NTN3: variants seen among roughly 807,000 people sequenced by gnomAD.
NTN3 encodes netrin 3.
Under a neutral mutation model 37.2 loss-of-function variants are expected in NTN3, and 44 were observed. The ratio of observed to expected loss-of-function variants is 1.18; its 90% confidence interval spans 0.93 to 1.52. The LOEUF (loss-of-function observed/expected upper bound fraction) is 1.52, where lower values mean the gene tolerates loss of function less well. NTN3 is among the 40% of genes most tolerant of loss of function. The pLI is 0.00. For missense variants in NTN3, 882 were observed against 857.3 expected, an observed-to-expected ratio of 1.03 and a Z score of -0.36; for synonymous variants, 385 against 376.0, an observed-to-expected ratio of 1.02 and a Z score of -0.28.
rs372974930 is a variant in NTN3 at position 2,472,120 on chromosome 16, A to G, written c.419A>G (p.His140Arg). 1.9e-5 allele frequency: 30 copies of G among 1,608,294 alleles called. No individual in the cohort carries two copies. Among genetic ancestry groups the G allele is most frequent in the Non-Finnish European group, 2.4e-5 (28 of 1,179,078 alleles). The change falls in exon 1 of 6, where the codon CAT becomes CGT. Residue 140 changes from histidine (H) to arginine (R), a missense_variant. Transcript: ENST00000293973. ...GTGGCCCTGCTCAAGTCTCAGGACCATGGCCGCAGCTGGGCCCCGCTGGGC... is the reference window on the plus strand; with the variant it reads ...GTGGCCCTGCTCAAGTCTCAGGACCGTGGCCGCAGCTGGGCCCCGCTGGGC... ...ASVALLKSQD[H>R]GRSWAPLGFF...
chr16:2,472,359 G>A lies in NTN3; in HGVS notation c.658G>A (p.Val220Ile), dbSNP rs560285957. The change falls in exon 1 of 6, where the codon GTC becomes ATC. Residue 220 changes from valine (V) to isoleucine (I), a missense_variant. Transcript: ENST00000293973. Reference protein sequence around the residue: ...VLQDWVTATDVRVVLTRPSTA... With the variant: ...VLQDWVTATDIRVVLTRPSTA... ...CCAAGACTGGGTGACCGCCACCGACGTCCGTGTAGTGCTCACAAGGCCTAG... is the reference window on the plus strand; with the variant it reads ...CCAAGACTGGGTGACCGCCACCGACATCCGTGTAGTGCTCACAAGGCCTAG... 18 of 1,612,266 alleles carry A rather than the reference G, an allele frequency of 1.1e-5. No individual in the cohort carries two copies. In the East Asian group the frequency reaches 2.0e-4, roughly 18 times the overall value.
In NTN3 at chr16:2,473,029, C is replaced by A. The variant is rs996258024; in HGVS notation, c.1162C>A (p.Gln388Lys). 58 of 1,610,620 alleles carry A rather than the reference C, an allele frequency of 3.6e-5. No individual in the cohort carries two copies. Among genetic ancestry groups the A allele is most frequent in the Non-Finnish European group, 4.8e-5 (57 of 1,178,850 alleles). Residue 388 changes from glutamine to lysine, a missense_variant, in exon 3 of 6, where the codon CAG (glutamine) becomes AAG (lysine). Transcript: ENST00000293973. ...PVGAAGKTCN[Q>K]TTGQCPCKDG... ...TGGTGCTGCTGGCAAGACCTGCAACCAGACCACAGGCCAGTGTCCCTGCAA... is the reference window on the plus strand; with the variant it reads ...TGGTGCTGCTGGCAAGACCTGCAACAAGACCACAGGCCAGTGTCCCTGCAA...
Position 2,472,773 on chromosome 16 carries a change from GC to G in NTN3, c.1002del (p.Ser334ArgfsTer32). Reference protein sequence around the residue: ...MELYRLSGRRSGGVCLNCRHN... With the variant: ...MELYRLSGRRXGGVCLNCRHN... ...CTGTACCGACTGTCCGGCCGCCGCA[GC>G]GGGGGTGTCTGTCTCAACTGCCGGC... On this transcript the variant is annotated frameshift_variant, in exon 2 of 6. Transcript: ENST00000293973. LOFTEE classifies it high-confidence loss of function. The G allele has an allele frequency of 2.5e-6, 4 of 1,608,448 alleles. No individual in the cohort carries two copies. The highest frequency in any genetic ancestry group is 3.4e-6 in the Non-Finnish European group (4 of 1,179,622).
rs2065530629 is a variant in NTN3, at chr16:2,472,835, G to A, written c.1063G>A (p.Glu355Lys). The change falls in exon 2 of 6, where the codon GAG (glutamate) becomes AAG (lysine). Residue 355 changes from glutamate (E) to lysine (K), a missense_variant. Transcript: ENST00000293973. ...CGGCCGCCACTGCCACTACTGCCGG[G>A]AGGGCTTCTATCGAGACCCTGGCCG... ...TAGRHCHYCR[E>K]GFYRDPGRAL... The A allele has an allele frequency of 1.2e-6, 2 of 1,609,352 alleles. No homozygotes were observed. The highest frequency in any genetic ancestry group is 1.7e-6 in the Non-Finnish European group (2 of 1,179,374).
chr16:2,472,123 G>T lies in NTN3; in HGVS notation c.422G>T (p.Gly141Val). The T allele has an allele frequency of 6.2e-7, 1 of 1,608,090 alleles. No individual in the cohort carries two copies. The highest frequency in any genetic ancestry group is 2.2e-5 in the East Asian group (1 of 44,846). ...SVALLKSQDHGRSWAPLGFFS... is the reference protein window; with the variant it reads ...SVALLKSQDHVRSWAPLGFFS... ...GCCCTGCTCAAGTCTCAGGACCATG[G>T]CCGCAGCTGGGCCCCGCTGGGCTTC... The change falls in exon 1 of 6, where the codon GGC (glycine) becomes GTC (valine). Residue 141 changes from glycine to valine, a missense_variant. Gly to Val is a moderately radical substitution (Grantham distance 109, BLOSUM62 -3). Coordinates refer to ENST00000293973, the MANE Select transcript of NTN3 (RefSeq NM_006181.3).
chr16:2,473,542 C>T (rs369879880), intron 5 of NTN3, 39 bp downstream of exon 5: 83 of 1,567,968 alleles, frequency 5.3e-5, no homozygotes, highest in Non-Finnish European at 6.8e-5. Flanking sequence ...TTCCCACCTT[C>T]CTCCTCTCCC....
Position 2,472,880 on chromosome 16 carries a change from G to A in NTN3, c.1108G>A (p.Ala370Thr), listed in dbSNP as rs1326852720. The A allele has an allele frequency of 6.3e-7, 1 of 1,592,716 alleles. No homozygotes were observed. The highest frequency in any genetic ancestry group is 8.5e-7 in the Non-Finnish European group (1 of 1,170,180). ...DPGRALSDRRACRACDCHPVG... is the reference protein window; with the variant it reads ...DPGRALSDRRTCRACDCHPVG... ...TGGCCGTGCCCTGAGTGACCGTCGG[G>A]CTTGCAGGGGTGAGCCACCACCGGC... The change falls in exon 2 of 6, where the codon GCT becomes ACT. Residue 370 changes from alanine (A) to threonine (T), a missense_variant. Ala to Thr is a moderately conservative substitution (Grantham distance 58). Coordinates refer to ENST00000293973, the MANE Select transcript of NTN3 (RefSeq NM_006181.3).
rs1274123122 is a variant in NTN3, at chr16:2,472,040, G to C, written c.339G>C (p.Lys113Asn). ...TGACTCTCACGGTGCCCCTGGGCAA[G>C]GCTTTTGAGCTGGTCTTCGTGAGCC... ...LNVTLTVPLG[K>N]AFELVFVSLR... The change falls in exon 1 of 6, where the codon AAG (lysine) becomes AAC (asparagine). Residue 113 changes from lysine to asparagine, a missense_variant. Physicochemically the swap from Lys to Asn is moderately conservative, Grantham distance 94 (BLOSUM62 0). Transcript: ENST00000293973. 3 of 1,608,918 alleles carry C rather than the reference G, an allele frequency of 1.9e-6. No individual in the cohort carries two copies. Among genetic ancestry groups the C allele is most frequent in the Non-Finnish European group, 2.5e-6 (3 of 1,179,516 alleles).
Position 2,473,283 on chromosome 16 carries a change from G to A in NTN3, c.1283G>A (p.Gly428Glu), listed in dbSNP as rs770790274. The A allele has an allele frequency of 1.2e-6, 2 of 1,612,896 alleles. No homozygotes were observed. The highest frequency in any genetic ancestry group is 4.5e-5 in the East Asian group (2 of 44,878). ...CTCTCTGCAGAGACCCCTATCCCTG[G>A]ACCCACTGAGGACAGCAGCCCTGTG... ...VAPCVKTPIP[G>E]PTEDSSPVQP... is the part of the protein sequence containing the mutation. Residue 428 changes from glycine (G) to glutamate (E), a missense_variant, in exon 4 of 6, where the codon GGA becomes GAA. Gly to Glu is a moderately conservative substitution (Grantham distance 98, BLOSUM62 -2). Transcript: ENST00000293973.
chr16:2,471,802 G>T lies in NTN3; in HGVS notation c.101G>T (p.Gly34Val), dbSNP rs1289653531. Residue 34 changes from glycine to valine, a missense_variant, in exon 1 of 6, where the codon GGG becomes GTG. Physicochemically the swap from Gly to Val is moderately radical, Grantham distance 109. Transcript: ENST00000293973. The stretch of plus-strand genomic sequence containing the variant: ...CCCGCCGACCCCTGCCACGATGAGG[G>T]GGGTGCGCCCCGCGGCTGCGTGCCA... ...PAPADPCHDE[G>V]GAPRGCVPGL... The T allele has an allele frequency of 7.2e-7, 1 of 1,390,074 alleles. No individual in the cohort carries two copies. Among genetic ancestry groups the T allele is most frequent in the Admixed American group, 3.5e-5 (1 of 28,344 alleles). The allele number at this position is 1,390,074 out of a possible 1,614,324, so 86.1% of individuals were successfully genotyped here. A position where few individuals can be genotyped will look rare whatever the true frequency, so the allele number is the denominator to read the frequency against.
intron 5 of NTN3, 83 bp from the exon 6 acceptor site, chr16:2,473,673 C>T: frequency 7.6e-7 from 1 of 1,309,372 alleles, no homozygotes; most frequent in East Asian, 2.6e-5. Context: ...CCCCCACTGC[C>T]CTCCTGGTGT....
At position 2,471,700 on chromosome 16, in the gene NTN3, C is replaced by T; in HGVS notation, c.-2C>T. The T allele has an allele frequency of 7.5e-7, 1 of 1,337,258 alleles. No individual in the cohort carries two copies. Among genetic ancestry groups the T allele is most frequent in the Non-Finnish European group, 9.5e-7 (1 of 1,050,222 alleles). The allele number at this position is 1,337,258 out of a possible 1,614,324, so 82.8% of individuals were successfully genotyped here. ...ACTGGCTGACCCGCAGCGGCTCCGGCCATGCCTGGCTGGCCCTGGGGGCTG... is the reference window on the plus strand; with the variant it reads ...ACTGGCTGACCCGCAGCGGCTCCGGTCATGCCTGGCTGGCCCTGGGGGCTG... On this transcript the variant is annotated 5_prime_UTR_variant, in exon 1 of 6. Coordinates refer to ENST00000293973, the MANE Select transcript of NTN3 (RefSeq NM_006181.3).
chr16:2,472,042 C>T lies in NTN3; in HGVS notation c.341C>T (p.Ala114Val). Residue 114 changes from alanine (A) to valine (V), a missense_variant, in exon 1 of 6, where the codon GCT (alanine) becomes GTT (valine). Coordinates refer to ENST00000293973, the MANE Select transcript of NTN3 (RefSeq NM_006181.3). ...ACTCTCACGGTGCCCCTGGGCAAGGCTTTTGAGCTGGTCTTCGTGAGCCTG... is the reference window on the plus strand; with the variant it reads ...ACTCTCACGGTGCCCCTGGGCAAGGTTTTTGAGCTGGTCTTCGTGAGCCTG... ...NVTLTVPLGK[A>V]FELVFVSLRF... 1 of 1,608,998 alleles carries T rather than the reference C, an allele frequency of 6.2e-7. No individual in the cohort carries two copies. The highest frequency in any genetic ancestry group is 8.5e-7 in the Non-Finnish European group (1 of 1,179,466).
In NTN3 at chr16:2,473,057, AT is replaced by A. The variant is rs1479795955; in HGVS notation, c.1191del (p.Asp397GlufsTer60). 1 of 1,611,486 alleles carries A rather than the reference AT, an allele frequency of 6.2e-7. No individual in the cohort carries two copies. The highest frequency in any genetic ancestry group is 1.7e-5 in the Admixed American group (1 of 60,000). ...ACCACAGGCCAGTGTCCCTGCAAGG[AT>A]GGCGTCACTGGCCTCACCTGCAACC... ...NQTTGQCPCKDGVTGLTCNRC... is the reference protein window; with the variant it reads ...NQTTGQCPCKXGVTGLTCNRC... On this transcript the variant is annotated frameshift_variant, in exon 3 of 6. Transcript: ENST00000293973. LOFTEE classifies it high-confidence loss of function.
At position 2,472,433 on chromosome 16, in the gene NTN3, C is replaced by T. The variant is rs1200869176; in HGVS notation, c.732C>T (p.Tyr244=). 5.6e-6 allele frequency: 9 copies of T among 1,611,428 alleles called. No individual in the cohort carries two copies. The highest frequency in any genetic ancestry group is 1.1e-5 in the South Asian group (1 of 91,068). Residue 244 remains tyrosine (Y), a synonymous_variant, in exon 1 of 6, where the codon TAC becomes TAT. Transcript: ENST00000293973. ...RDMEAVVPYS[Y]AATDLQVGGR... is the part of the protein sequence containing the mutation. ...TGGAGGCCGTCGTCCCTTACTCCTA[C>T]GCAGCCACCGACCTCCAGGTGGGCG...
intron 2 of NTN3, 36 bp from the exon 3 acceptor site, chr16:2,472,949 G>A (rs199890986): frequency 1.2e-4 from 192 of 1,580,986 alleles, no homozygotes; most frequent in Non-Finnish European, 1.4e-5. Context: ...TCCCCAGACA[G>A]GCTTCTGACC....
At position 2,473,088 on chromosome 16, in the gene NTN3, C is replaced by T. The variant is rs144596770; in HGVS notation, c.1221C>T (p.Cys407=). Residue 407 remains cysteine, a synonymous_variant, in exon 3 of 6, where the codon TGC becomes TGT. Coordinates refer to ENST00000293973, the MANE Select transcript of NTN3 (RefSeq NM_006181.3). ...DGVTGLTCNR[C]APGFQQSRSP... ...TCACTGGCCTCACCTGCAACCGCTG[C>T]GCGCCTGGCTTCCAGCAAAGCCGCT... is the stretch of plus-strand genomic sequence containing the variant. The T allele has an allele frequency of 3.7e-6, 6 of 1,610,078 alleles. No homozygotes were observed. The highest frequency in any genetic ancestry group is 2.7e-5 in the African/African-American group (2 of 74,926).
rs907318626 is a variant in NTN3 at position 2,471,429 on chromosome 16, C to G, written c.-273C>G. 2.0e-4 allele frequency: 63 copies of G among 307,526 alleles called. No individual in the cohort carries two copies. The East Asian group carries it at 3.2e-3, about 16-fold the overall frequency. 19.0% of individuals were successfully genotyped at this position (307,526 alleles called of 1,614,324 possible). Reference sequence around the variant, plus strand: ...GCCCTCGGTGGGTGAGTGCGAGCGGCGGGTGGGGCCTCCGCGGGCGGAGGC... The same window carrying G: ...GCCCTCGGTGGGTGAGTGCGAGCGGGGGGTGGGGCCTCCGCGGGCGGAGGC... On this transcript the variant is annotated 5_prime_UTR_variant, in exon 1 of 6. Coordinates refer to ENST00000293973, the MANE Select transcript of NTN3 (RefSeq NM_006181.3).
At position 2,472,779 on chromosome 16, in the gene NTN3, G is replaced by T. The variant is rs761166093; in HGVS notation, c.1007G>T (p.Gly336Val). ...LYRLSGRRSG[G>V]VCLNCRHNTA... is the part of the protein sequence containing the mutation. ...CGACTGTCCGGCCGCCGCAGCGGGG[G>T]TGTCTGTCTCAACTGCCGGCACAAC... is the stretch of plus-strand genomic sequence containing the variant. The change falls in exon 2 of 6, where the codon GGT becomes GTT. Residue 336 changes from glycine to valine, a missense_variant. Gly to Val is a moderately radical substitution (Grantham distance 109). Transcript: ENST00000293973. The T allele has an allele frequency of 6.2e-7, 1 of 1,608,520 alleles. No individual in the cohort carries two copies.
Sources: gnomAD v4.1 joint callset for allele counts on GRCh38, gnomAD v4.1.1 for gene constraint, MANE v1.5 for transcripts, NCBI Gene and HGNC (gene_info 2026-07-23, HGNC 2026-07-21) for gene names.